The following IREB2 variants were observed in gnomAD, a reference collection of about 807,000 sequenced individuals.
IREB2 encodes the protein iron-responsive element-binding protein 2.
Under a neutral mutation model 118.8 loss-of-function variants are expected in IREB2, and 39 were observed. The observed-to-expected ratio is 0.33, with a 90% CI of 0.25 to 0.43. IREB2 has a LOEUF of 0.43. Ranked by LOEUF, IREB2 falls within the 20% of genes least tolerant of loss-of-function variation. IREB2 has a pLI of 1.00. For synonymous variants in IREB2, 372 were observed against 392.2 expected, an observed-to-expected ratio of 0.95 and a Z score of 0.61; for missense variants, 900 against 1,147.3, an observed-to-expected ratio of 0.78 and a Z score of 3.11.
intron 2 of IREB2, among the ~76,000 whole-genome samples, chr15:78,451,581 A>G (rs2051024996): frequency 6.6e-6 from 1 of 152,226 alleles, no homozygotes; most frequent in Non-Finnish European, 1.5e-5. Context: ...GTGACAGTAA[A>G]CAATACGAGT....
chr15:78,447,068 G>A (rs906252008), intron 2 of IREB2, among the ~76,000 whole-genome samples: 8 of 152,116 alleles, frequency 5.3e-5, no homozygotes, highest in South Asian at 2.1e-4. Context: ...ATCTGAGTGC[G>A]TGGTCAGATC....
chr15:78,466,267 A>G lies in IREB2; in HGVS notation c.411-4A>G. Reference sequence around the variant, plus strand: ...TTTATTTTGTTTTCTTTTTGGAATGACAGTGCAATACAGAATGCACCAAAT... The same window carrying G: ...TTTATTTTGTTTTCTTTTTGGAATGGCAGTGCAATACAGAATGCACCAAAT... On this transcript the variant is annotated splice_polypyrimidine_tract_variant and splice_region_variant and intron_variant, in intron 4 of 21. Transcript: ENST00000258886. 2 of 1,587,386 alleles carry G rather than the reference A, an allele frequency of 1.3e-6. No individual in the cohort carries two copies. The highest frequency in any genetic ancestry group is 1.7e-6 in the Non-Finnish European group (2 of 1,162,578).
rs2050783391 is a variant in IREB2, at chr15:78,438,230, C to T, written c.-108C>T. On this transcript the variant is annotated 5_prime_UTR_variant, in exon 1 of 22. Coordinates refer to ENST00000258886, the MANE Select transcript of IREB2 (RefSeq NM_004136.4). ...GATATTTGCGCGAGCCTGCTTCCTT[C>T]TTTCCTCCCTTGCCAGTCCGCCTGT... 6.9e-6 allele frequency: 6 copies of T among 872,510 alleles called. No homozygotes were observed. The highest frequency in any genetic ancestry group is 9.4e-6 in the Non-Finnish European group (5 of 530,002). 54.0% of individuals were successfully genotyped at this position (872,510 alleles called of 1,614,324 possible).
intron 12 of IREB2, among the ~76,000 whole-genome samples, chr15:78,485,316 A>T (rs530227820): frequency 6.6e-6 from 1 of 152,372 alleles, no homozygotes; most frequent in South Asian, 2.1e-4. Context: ...TTGTATGCCC[A>T]TTGGAACAAT....
chr15:78,478,112 G>A (rs1436238595), intron 9 of IREB2, among the ~76,000 whole-genome samples, 185 bp from the exon 10 acceptor site: 2 of 151,760 alleles, frequency 1.3e-5, no homozygotes, highest in East Asian at 1.9e-4. Flanking sequence ...AACCAGGCAC[G>A]GTGGGGTGCT....
chr15:78,476,033 A>G (rs556137352), intron 8 of IREB2, 155 bp from the exon 9 acceptor site: 26 of 493,160 alleles, frequency 5.3e-5, no homozygotes, highest in Non-Finnish European at 8.4e-5. Flanking sequence ...AAATACCCCC[A>G]AAACCAGAAT....
Position 78,483,418 on chromosome 15 carries a change from C to G in IREB2, c.1397C>G (p.Ala466Gly). ...AVTDMKSDFQACLNEKVGFKG... is the reference protein window; with the variant it reads ...AVTDMKSDFQGCLNEKVGFKG... ...ACAGATATGAAAAGCGATTTCCAGG[C>G]TTGCTTAAATGAAAAGGTAGGTTAC... Residue 466 changes from alanine to glycine, a missense_variant, in exon 11 of 22, where the codon GCT (alanine) becomes GGT (glycine). Physicochemically the swap from Ala to Gly is moderately conservative, Grantham distance 60 (BLOSUM62 0). Transcript: ENST00000258886. The G allele has an allele frequency of 1.3e-6, 2 of 1,588,278 alleles. No homozygotes were observed. The highest frequency in any genetic ancestry group is 8.6e-7 in the Non-Finnish European group (1 of 1,156,584).
chr15:78,459,879 C>T (rs537764116), intron 2 of IREB2, among the ~76,000 whole-genome samples: 2 of 152,156 alleles, frequency 1.3e-5, no homozygotes, highest in East Asian at 1.9e-4. Context: ...GTCCCACATT[C>T]TAGATTTGGC....
chr15:78,490,244 T>A (rs1358673148), intron 16 of IREB2, among the ~76,000 whole-genome samples, 178 bp from the exon 17 acceptor site: 1 of 152,134 alleles, frequency 6.6e-6, no homozygotes, highest in Non-Finnish European at 1.5e-5. Flanking sequence ...AAATTTAAAA[T>A]TTTTTAAAAA....
At chr15:78,465,550 T>C (rs57839482) in intron 4 of IREB2, among the ~76,000 whole-genome samples, 162 bp downstream of exon 4, 22,757 of 152,060 alleles carry the variant, frequency 0.15, 1,750 homozygotes, top group Non-Finnish European at 0.16. Context: ...GTTTATGGAG[T>C]GGTGGGGTTT....
chr15:78,461,596 G>A (rs1567168416), intron 2 of IREB2, among the ~76,000 whole-genome samples: 1 of 152,036 alleles, frequency 6.6e-6, no homozygotes, highest in Non-Finnish European at 1.5e-5. Flanking sequence ...TACATATATA[G>A]AACAATGGTT....
At chr15:78,479,727 C>A (rs1372552536) in intron 10 of IREB2, among the ~76,000 whole-genome samples, 1 of 151,990 alleles carries the variant, frequency 6.6e-6, no homozygotes, top group African/African-American at 2.4e-5. Flanking sequence ...TGCAGTCTTA[C>A]TTGTTAGTTT....
At chr15:78,468,335 C>T (rs1332698355) in intron 5 of IREB2, among the ~76,000 whole-genome samples, 1 of 152,096 alleles carries the variant, frequency 6.6e-6, no homozygotes, top group African/African-American at 2.4e-5. Flanking sequence ...CCTCCAACTC[C>T]TAGGCTTAAA....
At chr15:78,486,234 G>A (rs995158685) in intron 13 of IREB2, among the ~76,000 whole-genome samples, 1 of 152,228 alleles carries the variant, frequency 6.6e-6, no homozygotes, top group African/African-American at 2.4e-5. Context: ...ACTGAAAATT[G>A]TCTTAATTTT....
At chr15:78,466,928 C>T (rs190601058) in intron 5 of IREB2, among the ~76,000 whole-genome samples, 29 of 151,932 alleles carry the variant, frequency 1.9e-4, no homozygotes, top group African/African-American at 6.3e-4. Context: ...ATTAAGAGCT[C>T]TATGTTGGCT....
intron 2 of IREB2, among the ~76,000 whole-genome samples, chr15:78,445,529 A>C (rs1181303684): frequency 6.6e-6 from 1 of 152,254 alleles, no homozygotes; most frequent in Non-Finnish European, 1.5e-5. Flanking sequence ...AGACAAAGGA[A>C]GAAAGCATAG....
At chr15:78,483,050 A>G (rs1195536338) in intron 10 of IREB2, among the ~76,000 whole-genome samples, 3 of 152,094 alleles carry the variant, frequency 2.0e-5, no homozygotes, top group Admixed American at 6.5e-5. Flanking sequence ...CAGATTTTGT[A>G]TATGCAGTAC....
chr15:78,463,039 A>C lies in IREB2; in HGVS notation c.224A>C (p.Asn75Thr), dbSNP rs1832873411. The change falls in exon 3 of 22, where the codon AAT (asparagine) becomes ACT (threonine). Residue 75 changes from asparagine to threonine, a missense_variant. Physicochemically the swap from Asn to Thr is moderately conservative, Grantham distance 65. Transcript: ENST00000258886. ...TTAGACTGGAAAACCAAACAAAGCA[A>C]TGTTGAAGTGCCCTTTTTCCCTGCC... ...NILDWKTKQS[N>T]VEVPFFPARV... 6.2e-7 allele frequency: 1 copy of C among 1,610,922 alleles called. No individual in the cohort carries two copies. Among genetic ancestry groups the C allele is most frequent in the African/African-American group, 1.3e-5 (1 of 74,772 alleles).
At chr15:78,464,185 A>G (rs2051243212) in intron 3 of IREB2, among the ~76,000 whole-genome samples, 1 of 152,214 alleles carries the variant, frequency 6.6e-6, no homozygotes, top group South Asian at 2.1e-4. Flanking sequence ...TTCTTTACAC[A>G]GTAGATGGAG....
Sources: allele counts gnomAD v4.1 joint callset (sites outside exome capture counted in the v4.1 genomes callset), GRCh38; gene constraint gnomAD v4.1.1; transcripts MANE v1.5; gene names NCBI Gene and HGNC (gene_info 2026-07-23, HGNC 2026-07-21).